PPM1N: variants seen among roughly 807,000 people sequenced by gnomAD.
The protein encoded by PPM1N is probable protein phosphatase 1N.
Under a neutral mutation model 32.6 loss-of-function variants are expected in PPM1N, and 35 were observed. The observed-to-expected ratio is 1.07, with a 90% CI of 0.82 to 1.43. PPM1N has a LOEUF of 1.43. Among genes scored for constraint, PPM1N ranks in the 40% most tolerant of loss-of-function variants. The pLI, the probability that PPM1N is intolerant of heterozygous loss-of-function variation, is 0.00. For synonymous variants in PPM1N, 275 were observed against 270.5 expected (o/e 1.02, Z -0.16); for missense variants, 648 against 606.6 (o/e 1.07, Z -0.72).
rs45446395 is a variant in PPM1N at position 45,499,765 on chromosome 19, T to C, written c.940-184T>C. ...GGGCGGAGCTTTAGGGAAAAGGCAT[T>C]GTTCTCTCAATTGGGAGCGCCTAGG... On this transcript the variant is annotated intron_variant, in intron 1 of 4. Transcript: ENST00000451287. 3,874 of 1,510,904 alleles carry C rather than the reference T, an allele frequency of 2.6e-3. 20 individuals carry two copies. The highest frequency in any genetic ancestry group is 4.6e-3 in the Middle Eastern group (26 of 5,712). 93.6% of individuals were successfully genotyped at this position (1,510,904 alleles called of 1,614,324 possible).
chr19:45,500,759 C>T, intron 4 of PPM1N, 49 bp downstream of exon 4: 6 of 1,349,064 alleles, frequency 4.4e-6, no homozygotes, highest in Non-Finnish European at 6.1e-6. Flanking sequence ...GGACGCCCCC[C>T]CGCCCACCCC....
intron 4 of PPM1N, among the ~76,000 whole-genome samples, chr19:45,501,156 G>A (rs1235595719): frequency 6.6e-6 from 1 of 152,192 alleles, no homozygotes; most frequent in African/African-American, 2.4e-5. Flanking sequence ...TGCCCCATCA[G>A]CCCAAGTGCT....
intron 2 of PPM1N, 54 bp from the exon 3 acceptor site, chr19:45,500,402 T>G: frequency 6.7e-7 from 1 of 1,495,334 alleles, no homozygotes; most frequent in Middle Eastern, 1.9e-4. Flanking sequence ...CCCAAAGTGC[T>G]GGGATTACAG....
intron 4 of PPM1N, among the ~76,000 whole-genome samples, chr19:45,501,214 C>G (rs540957542): frequency 1.2e-4 from 19 of 152,174 alleles, no homozygotes; most frequent in Non-Finnish European, 2.2e-4. Context: ...TGCTAATGAC[C>G]AATTCTAAGG....
At chr19:45,500,731 A>C (rs1475836287) in intron 4 of PPM1N, 21 bp downstream of exon 4, 2 of 1,578,456 alleles carry the variant, frequency 1.3e-6, no homozygotes, top group African/African-American at 2.7e-5. Context: ...TGTGTTCTCC[A>C]GTGTTTCTCT....
Position 45,500,563 on chromosome 19 carries a change from T to G in PPM1N, c.1163+2T>G, listed in dbSNP as rs746277988. On this transcript the variant is annotated splice_donor_variant, in intron 3 of 4. Transcript: ENST00000451287. LOFTEE classifies it high-confidence loss of function. ...TCCTGGGGGAGGGCTGGACTGCAAG[T>G]GAGTTGGGGTGAGGAAGGGTGGGGT... 6.2e-7 allele frequency: 1 copy of G among 1,602,638 alleles called. No individual in the cohort carries two copies.
chr19:45,499,852 T>G, intron 1 of PPM1N, 97 bp from the exon 2 acceptor site: 15 of 1,517,624 alleles, frequency 9.9e-6, no homozygotes, highest in Non-Finnish European at 1.3e-5. Context: ...GAAATGGGCA[T>G]AAGTAGAATG....
At position 45,500,124 on chromosome 19, in the gene PPM1N, T is replaced by C. The variant is rs1968387945; in HGVS notation, c.1057+58T>C. The C allele has an allele frequency of 4.0e-6, 6 of 1,501,240 alleles. No individual in the cohort carries two copies. In the Admixed American group the frequency reaches 1.3e-4, roughly 32 times the overall value. 93.0% of individuals were successfully genotyped at this position (1,501,240 alleles called of 1,614,324 possible). ...TGGTTGGCCAGTGAAGGCTGTGCCA[T>C]AACTTTTTCTTTTTTTCTTTTTTTT... On this transcript the variant is annotated intron_variant, in intron 2 of 4. Transcript: ENST00000451287.
In PPM1N at chr19:45,498,579, G is replaced by T. The variant is rs1453522837; in HGVS notation, c.107G>T (p.Arg36Leu). The change falls in exon 1 of 5, where the codon CGC becomes CTC. Residue 36 changes from arginine (R) to leucine (L), a missense_variant. Physicochemically the swap from Arg to Leu is moderately radical, Grantham distance 102. Coordinates refer to ENST00000451287, the MANE Select transcript of PPM1N (RefSeq NM_001080401.2). Reference sequence around the variant, plus strand: ...GAAGAGGAGGAGGAGGAGGCGGGGCGCAGGGCCCCCGAAGGGCCTCGGTCT... The same window carrying T: ...GAAGAGGAGGAGGAGGAGGCGGGGCTCAGGGCCCCCGAAGGGCCTCGGTCT... ...REEEEEEEAG[R>L]RAPEGPRSLL... 1 of 1,460,270 alleles carries T rather than the reference G, an allele frequency of 6.8e-7. No homozygotes were observed. The highest frequency in any genetic ancestry group is 1.5e-5 in the African/African-American group (1 of 67,360). The allele number at this position is 1,460,270 out of a possible 1,614,324, so 90.5% of individuals were successfully genotyped here.
At position 45,498,996 on chromosome 19, in the gene PPM1N, T is replaced by C; in HGVS notation, c.524T>C (p.Leu175Pro). ...GTGTTGCTGGTCTCCCCGCGGTTTC[T>C]GTACCTGGCGCACTGCGGTGACTCC... ...AVVLLVSPRF[L>P]YLAHCGDSRA... Residue 175 changes from leucine to proline, a missense_variant, in exon 1 of 5, where the codon CTG becomes CCG. Physicochemically the swap from Leu to Pro is moderately conservative, Grantham distance 98 (BLOSUM62 -3). Coordinates refer to ENST00000451287, the MANE Select transcript of PPM1N (RefSeq NM_001080401.2). 1 of 1,564,516 alleles carries C rather than the reference T, an allele frequency of 6.4e-7. No homozygotes were observed. Among genetic ancestry groups the C allele is most frequent in the Non-Finnish European group, 8.6e-7 (1 of 1,164,580 alleles).
At chr19:45,500,364 G>T in intron 2 of PPM1N, 92 bp from the exon 3 acceptor site, 1 of 1,148,646 alleles carries the variant, frequency 8.7e-7, no homozygotes, top group Non-Finnish European at 1.3e-6. Flanking sequence ...CGAACCCCTG[G>T]CCTCAAGTGA....
rs779825645 is a variant in PPM1N at position 45,499,902 on chromosome 19, G to C, written c.940-47G>C. ...AACCTGGGGATTGTTGGGAAGCTCT[G>C]CCTTGGACTCTCCCCCACCGGGCTC... is the stretch of plus-strand genomic sequence containing the variant. On this transcript the variant is annotated intron_variant, in intron 1 of 4. Transcript: ENST00000451287. 10 of 1,547,940 alleles carry C rather than the reference G, an allele frequency of 6.5e-6. No individual in the cohort carries two copies. The African/African-American group carries it at 1.4e-4, about 21-fold the overall frequency.
chr19:45,498,877 CG>C lies in PPM1N; in HGVS notation c.406del (p.Val136CysfsTer10), dbSNP rs1568628267. ...LGPEPSEPEG[V>X]REALRRAFLS... Reference sequence around the variant, plus strand: ...GCCCGGAGCCTAGCGAGCCCGAGGGCGTGCGCGAGGCGCTGCGCCGAGCCTT... The same window carrying C: ...GCCCGGAGCCTAGCGAGCCCGAGGGCTGCGCGAGGCGCTGCGCCGAGCCTT... On this transcript the variant is annotated frameshift_variant, in exon 1 of 5. Transcript: ENST00000451287. LOFTEE classifies it high-confidence loss of function. The C allele has an allele frequency of 1.3e-6, 2 of 1,516,398 alleles. No individual in the cohort carries two copies. Among genetic ancestry groups the C allele is most frequent in the Non-Finnish European group, 1.8e-6 (2 of 1,142,022 alleles). The allele number at this position is 1,516,398 out of a possible 1,614,324, so 93.9% of individuals were successfully genotyped here.
At position 45,499,300 on chromosome 19, in the gene PPM1N, C is replaced by A; in HGVS notation, c.828C>A (p.Val276=). ...DEFMLLASDG[V]WDTVSGAALA... Reference sequence around the variant, plus strand: ...TCATGCTCCTGGCCTCTGATGGCGTCTGGGACACTGTGTCTGGTGCTGCCC... The same window carrying A: ...TCATGCTCCTGGCCTCTGATGGCGTATGGGACACTGTGTCTGGTGCTGCCC... The change falls in exon 1 of 5, where the codon GTC becomes GTA. Residue 276 remains valine (V), a synonymous_variant. Coordinates refer to ENST00000451287, the MANE Select transcript of PPM1N (RefSeq NM_001080401.2). 1 of 1,613,196 alleles carries A rather than the reference C, an allele frequency of 6.2e-7. No homozygotes were observed. The highest frequency in any genetic ancestry group is 1.1e-5 in the South Asian group (1 of 91,080).
intron 4 of PPM1N, 21 bp from the exon 5 acceptor site, chr19:45,501,996 C>T (rs537226979): frequency 3.4e-6 from 5 of 1,473,320 alleles, no homozygotes; most frequent in African/African-American, 1.5e-5. Context: ...TCATTACCTT[C>T]TCCCACATTT....
In PPM1N at chr19:45,500,916, A is replaced by G. The variant is rs531720790; in HGVS notation, c.1224+206A>G. Reference sequence around the variant, plus strand: ...CTTTTTTTTTAGACTGGGTCTCACTATGTTGCCCAGGCTGGTCTCAAACTC... The same window carrying G: ...CTTTTTTTTTAGACTGGGTCTCACTGTGTTGCCCAGGCTGGTCTCAAACTC... On this transcript the variant is annotated intron_variant, in intron 4 of 4. Coordinates refer to ENST00000451287, the MANE Select transcript of PPM1N (RefSeq NM_001080401.2). Among the ~76,000 whole-genome samples the G allele has an allele frequency of 2.5e-4, 36 of 145,768 alleles. No individual in the cohort carries two copies. In the East Asian group the frequency reaches 7.0e-3, roughly 28 times the overall value.
rs1484138052 is a variant in PPM1N, at chr19:45,500,450, T to C, written c.1058-6T>C. The C allele has an allele frequency of 5.0e-6, 8 of 1,601,142 alleles. No individual in the cohort carries two copies. The highest frequency in any genetic ancestry group is 6.8e-6 in the Non-Finnish European group (8 of 1,173,608). On this transcript the variant is annotated splice_polypyrimidine_tract_variant and splice_region_variant and intron_variant, in intron 2 of 4. Coordinates refer to ENST00000451287, the MANE Select transcript of PPM1N (RefSeq NM_001080401.2). ...GTGCCCAGCCTAACTCTTGACTCTT[T>C]CTCAGAACTGTGTGCCTCTGCTCAG...
intron 2 of PPM1N, 114 bp from the exon 3 acceptor site, chr19:45,500,342 C>A: frequency 2.1e-6 from 2 of 946,094 alleles, no homozygotes; most frequent in South Asian, 1.5e-5. Context: ...ACGATGTTGT[C>A]CAGGCTGGTC....
In PPM1N at chr19:45,502,051, C is replaced by G; in HGVS notation, c.1259C>G (p.Thr420Arg). 1.3e-6 allele frequency: 2 copies of G among 1,548,122 alleles called. No homozygotes were observed. The highest frequency in any genetic ancestry group is 1.7e-6 in the Non-Finnish European group (2 of 1,155,414). The stretch of plus-strand genomic sequence containing the variant: ...GATGGGGCTGGGAAGTCCAACCCCA[C>G]GCATTTGGGCTCAGCCTTGGACATG... Reference protein sequence around the residue: ...GQDGAGKSNPTHLGSALDMEA With the variant: ...GQDGAGKSNPRHLGSALDMEA The change falls in exon 5 of 5, where the codon ACG (threonine) becomes AGG (arginine). Residue 420 changes from threonine (T) to arginine (R), a missense_variant. Thr to Arg is a moderately conservative substitution (Grantham distance 71). Transcript: ENST00000451287.
Sources: gnomAD v4.1 joint callset for allele counts (sites outside exome capture counted in the v4.1 genomes callset) on GRCh38, gnomAD v4.1.1 for gene constraint, MANE v1.5 for transcripts, NCBI Gene and HGNC (gene_info 2026-07-23, HGNC 2026-07-21) for gene names.